Variants in ROBO2 observed in about 807,000 individuals in gnomAD.
The protein encoded by ROBO2 is roundabout guidance receptor 2, also known as roundabout homolog 2.
A neutral mutation model predicts 160.8 loss-of-function variants in ROBO2; 53 were observed. The observed-to-expected ratio is 0.33, with a 90% CI of 0.26 to 0.41. The LOEUF is 0.41. Ranked by LOEUF, ROBO2 falls within the 10% of genes least tolerant of loss-of-function variation. ROBO2 has a pLI of 1.00. For missense variants in ROBO2, 1,577 were observed against 1,722.4 expected (o/e 0.92, Z 1.49); for synonymous variants, 664 against 611.7 (o/e 1.09, Z -1.26).
At chr3:76,814,926 C>G (rs1357004505) in intron 2 of ROBO2, among the ~76,000 whole-genome samples, 4 of 151,972 alleles carry the variant, frequency 2.6e-5, no homozygotes, top group African/African-American at 9.7e-5. Context: ...AAAGGATCTA[C>G]TAGTACTGAG....
chr3:76,738,125 C>A (rs1272528638), intron 2 of ROBO2, among the ~76,000 whole-genome samples: 2 of 151,656 alleles, frequency 1.3e-5, no homozygotes, highest in African/African-American at 2.4e-5. Flanking sequence ...CACAGGGAGA[C>A]CCTGACTCAA....
intron 9 of ROBO2, among the ~76,000 whole-genome samples, chr3:77,562,377 G>A (rs1045522964): frequency 6.6e-6 from 1 of 151,812 alleles, no homozygotes; most frequent in African/African-American, 2.4e-5. Flanking sequence ...TTATCACAGA[G>A]GAAGAAAAAG....
At chr3:76,450,857 A>G (rs2077439231) in intron 2 of ROBO2, among the ~76,000 whole-genome samples, 1 of 152,180 alleles carries the variant, frequency 6.6e-6, no homozygotes, top group Admixed American at 6.6e-5. Flanking sequence ...ATGCATTTTT[A>G]TTAGAGATAA....
At chr3:77,119,336 C>T (rs62251798) in intron 2 of ROBO2, among the ~76,000 whole-genome samples, 2,663 of 152,110 alleles carry the variant, frequency 0.018, 35 homozygotes, top group Middle Eastern at 0.041. Context: ...CATGTGTAAA[C>T]GCAGAAAAAT....
intron 2 of ROBO2, among the ~76,000 whole-genome samples, chr3:76,272,827 TAA>T (rs1424471022): frequency 0.018 from 231 of 12,728 alleles, 25 homozygotes; most frequent in Middle Eastern, 0.17. Context: ...TATTTATATA[TAA>T]AATATATATA....
intron 2 of ROBO2, among the ~76,000 whole-genome samples, chr3:76,116,453 A>G (rs1176208511): frequency 6.6e-6 from 1 of 152,174 alleles, no homozygotes; most frequent in African/African-American, 2.4e-5. Flanking sequence ...TTAGCGAAGC[A>G]CTTCAGAGAT....
intron 2 of ROBO2, among the ~76,000 whole-genome samples, chr3:77,468,094 G>A (rs1026151988): frequency 2.0e-5 from 3 of 152,182 alleles, no homozygotes; most frequent in Non-Finnish European, 4.4e-5. Context: ...GCAATGCCAC[G>A]TGAACAATTC....
intron 1 of ROBO2, among the ~76,000 whole-genome samples, chr3:77,068,773 C>T (rs572744530): frequency 5.3e-5 from 8 of 152,122 alleles, no homozygotes; most frequent in African/African-American, 1.7e-4. Context: ...AGCCCACTTC[C>T]GCAGGCTAGT....
exon 21 of ROBO2, chr3:77,607,937 G>A: frequency 1.2e-6 from 2 of 1,613,752 alleles, no homozygotes; most frequent in Admixed American, 3.3e-5. Flanking sequence ...ACTATGCAGT[G>A]GAACAACAAG....
chr3:76,236,210 G>A (rs1181385110), intron 2 of ROBO2, among the ~76,000 whole-genome samples: 2 of 151,852 alleles, frequency 1.3e-5, no homozygotes, highest in East Asian at 3.9e-4. Flanking sequence ...ATGTAGTATA[G>A]ATGTATTCAG....
At chr3:76,531,100 A>T (rs915554791) in intron 2 of ROBO2, among the ~76,000 whole-genome samples, 2 of 152,206 alleles carry the variant, frequency 1.3e-5, no homozygotes, top group African/African-American at 4.8e-5. Flanking sequence ...TGAAAATAAG[A>T]TAGGACATTT....
chr3:77,087,788 G>A (rs959120575), intron 1 of ROBO2, among the ~76,000 whole-genome samples: 1 of 151,540 alleles, frequency 6.6e-6, no homozygotes, highest in East Asian at 1.9e-4. Context: ...ATACATATAT[G>A]TATGTATTCA....
intron 2 of ROBO2, among the ~76,000 whole-genome samples, chr3:76,658,520 T>C (rs1212561785): frequency 6.6e-6 from 1 of 152,130 alleles, no homozygotes; most frequent in African/African-American, 2.4e-5. Context: ...CGGCATGTGA[T>C]GTTCCCCTCC....
intron 2 of ROBO2, among the ~76,000 whole-genome samples, chr3:77,188,179 T>A (rs375806388): frequency 6.6e-5 from 10 of 151,976 alleles, no homozygotes; most frequent in African/African-American, 2.2e-4. Flanking sequence ...GACAGAAAGA[T>A]TTGAAATGAA....
chr3:77,532,214 C>CTTTT (rs2091788125), intron 6 of ROBO2, among the ~76,000 whole-genome samples: 1 of 149,124 alleles, frequency 6.7e-6, no homozygotes, highest in African/African-American at 2.4e-5. Flanking sequence ...ACACTTCTTT[C>CTTTT]TTTTTTTTTC....
intron 2 of ROBO2, among the ~76,000 whole-genome samples, chr3:76,942,483 A>G (rs915573088): frequency 3.9e-5 from 6 of 152,226 alleles, no homozygotes; most frequent in Admixed American, 3.3e-4. Context: ...TTGCTTGGGA[A>G]GCACCACTGA....
At chr3:75,924,758 G>A (rs1484257637) in intron 1 of ROBO2, among the ~76,000 whole-genome samples, 7 of 116,112 alleles carry the variant, frequency 6.0e-5, no homozygotes, top group Non-Finnish European at 9.6e-5. Flanking sequence ...GCACGATCTC[G>A]GCTCACTGCA....
chr3:77,099,934 T>C (rs1010505795), intron 2 of ROBO2, among the ~76,000 whole-genome samples: 8 of 152,072 alleles, frequency 5.3e-5, no homozygotes, highest in Non-Finnish European at 1.0e-4. Context: ...ATCTGGTCTA[T>C]TTTAAATATA....
intron 22 of ROBO2, among the ~76,000 whole-genome samples, chr3:77,620,698 C>T (rs1020540861): frequency 5.3e-5 from 8 of 152,090 alleles, no homozygotes; most frequent in African/African-American, 1.7e-4. Flanking sequence ...ATCTAGAATC[C>T]TGTTAACATT....
Sources: allele counts gnomAD v4.1 joint callset (sites outside exome capture counted in the v4.1 genomes callset), GRCh38; gene constraint gnomAD v4.1.1; transcripts MANE v1.5; gene names NCBI Gene and HGNC (gene_info 2026-07-23, HGNC 2026-07-21).